C3orf20: variants seen among roughly 807,000 people sequenced by gnomAD.
C3orf20 encodes the protein uncharacterized protein C3orf20.
A neutral mutation model predicts 88.3 loss-of-function variants in C3orf20; 76 were observed. The observed-to-expected ratio is 0.86, with a 90% CI of 0.72 to 1.04. C3orf20 has a LOEUF of 1.04. Among genes scored for constraint, C3orf20 ranks in the 50% least tolerant of loss-of-function variants. The pLI, the probability that C3orf20 is intolerant of heterozygous loss-of-function variation, is 0.00. For synonymous variants in C3orf20, 436 were observed against 437.4 expected (o/e 1.00, Z 0.04); for missense variants, 1,056 against 1,123.3 (o/e 0.94, Z 0.86).
chr3:14,703,839 A>G (rs1040071957), intron 6 of C3orf20, among the ~76,000 whole-genome samples: 3 of 152,154 alleles, frequency 2.0e-5, no homozygotes, highest in Non-Finnish European at 2.9e-5. Context: ...AGCCCTAGCA[A>G]TTTACTCAAC....
intron 10 of C3orf20, chr3:14,722,302 T>C (rs1397654594): frequency 5.5e-6 from 2 of 366,068 alleles, no homozygotes; most frequent in Admixed American, 3.4e-5. Context: ...TCAACACTCA[T>C]TGGCTCTATT....
chr3:14,719,279 G>T (rs1489241631), intron 9 of C3orf20, among the ~76,000 whole-genome samples: 1 of 152,166 alleles, frequency 6.6e-6, no homozygotes, highest in East Asian at 1.9e-4. Flanking sequence ...TGGTTGACTG[G>T]AGAGAGACCA....
intron 5 of C3orf20, among the ~76,000 whole-genome samples, chr3:14,697,406 G>A (rs893698599): frequency 2.6e-5 from 4 of 151,710 alleles, no homozygotes; most frequent in South Asian, 2.1e-4. Flanking sequence ...CAAAGAGGCC[G>A]TCTTCAAGCT....
rs2032150995 is a variant in C3orf20, at chr3:14,682,578, G to C, written c.-136G>C. 4 of 1,178,266 alleles carry C rather than the reference G, an allele frequency of 3.4e-6. No homozygotes were observed. Among genetic ancestry groups the C allele is most frequent in the Non-Finnish European group, 4.8e-6 (4 of 841,708 alleles). The allele number at this position is 1,178,266 out of a possible 1,614,324, so 73.0% of individuals were successfully genotyped here. A position where few individuals can be genotyped will look rare whatever the true frequency, so the allele number is the denominator to read the frequency against. Reference sequence around the variant, plus strand: ...CTCTTTTCTTGTCCTTTCCGGATAGGAACCACTGGCTCAATGACCTGTAAG... The same window carrying C: ...CTCTTTTCTTGTCCTTTCCGGATAGCAACCACTGGCTCAATGACCTGTAAG... On this transcript the variant is annotated splice_region_variant and 5_prime_UTR_variant, in exon 3 of 17. Coordinates refer to ENST00000253697, the MANE Select transcript of C3orf20 (RefSeq NM_032137.5).
At chr3:14,688,374 A>G (rs1457123985) in intron 4 of C3orf20, among the ~76,000 whole-genome samples, 1 of 151,670 alleles carries the variant, frequency 6.6e-6, no homozygotes, top group Non-Finnish European at 1.5e-5. Context: ...TACTAAAAAT[A>G]CAAAAAAATT....
chr3:14,688,261 G>A (rs1001090579), intron 4 of C3orf20, among the ~76,000 whole-genome samples: 1 of 152,074 alleles, frequency 6.6e-6, no homozygotes, highest in African/African-American at 2.4e-5. Flanking sequence ...CGAGTGTGGC[G>A]GCTCATGACT....
intron 4 of C3orf20, among the ~76,000 whole-genome samples, chr3:14,685,439 C>CCTCT (rs566893132): frequency 1.5e-5 from 2 of 137,110 alleles, no homozygotes; most frequent in African/African-American, 5.6e-5. Flanking sequence ...CACCCAGTGA[C>CCTCT]CTCTCTCTCT....
At chr3:14,705,465 A>G (rs1307647173) in intron 7 of C3orf20, among the ~76,000 whole-genome samples, 1 of 152,256 alleles carries the variant, frequency 6.6e-6, no homozygotes, top group East Asian at 1.9e-4. Flanking sequence ...CAATGAAGTC[A>G]GATAATGAAG....
chr3:14,763,875 G>A (rs1200913745), intron 15 of C3orf20, among the ~76,000 whole-genome samples: 1 of 152,014 alleles, frequency 6.6e-6, no homozygotes, highest in Non-Finnish European at 1.5e-5. Flanking sequence ...ATGAGCTCTG[G>A]TCTCCTAATG....
intron 12 of C3orf20, among the ~76,000 whole-genome samples, chr3:14,731,785 A>G (rs2034547347): frequency 6.6e-6 from 1 of 152,238 alleles, no homozygotes; most frequent in African/African-American, 2.4e-5. Context: ...GCCAAGGGCT[A>G]ATGTTGTAAA....
At chr3:14,676,389 C>T (rs931443840) in intron 1 of C3orf20, among the ~76,000 whole-genome samples, 1 of 152,132 alleles carries the variant, frequency 6.6e-6, no homozygotes, top group Admixed American at 6.5e-5. Flanking sequence ...CTGTGTCCAA[C>T]TTATGATCTG....
chr3:14,769,050 G>A (rs1344514821), intron 15 of C3orf20, among the ~76,000 whole-genome samples: 1 of 152,000 alleles, frequency 6.6e-6, no homozygotes, highest in Non-Finnish European at 1.5e-5. Context: ...TGGTTCATTC[G>A]TTCATTCACT....
chr3:14,717,186 C>G (rs2033974127), intron 9 of C3orf20, among the ~76,000 whole-genome samples: 3 of 152,176 alleles, frequency 2.0e-5, no homozygotes, highest in Non-Finnish European at 1.5e-5. Flanking sequence ...AAGTGGGTCA[C>G]CAGAACTGCC....
rs548440000 is a variant in C3orf20 at position 14,743,993 on chromosome 3, A to G, written c.1941-13378A>G. Among the ~76,000 whole-genome samples, 3 of 152,154 alleles carry G rather than the reference A, an allele frequency of 2.0e-5. No individual in the cohort carries two copies. In the South Asian group the frequency reaches 6.2e-4, roughly 32 times the overall value. On this transcript the variant is annotated intron_variant, in intron 12 of 16. Transcript: ENST00000253697. ...GATATGGCCTGGAGACATTTTTCCC[A>G]TGGTCTTGGAAATTAACATTAGGCT...
rs202048271 is a variant in C3orf20, at chr3:14,771,122, G to T, written c.2496-945G>T. Among the ~76,000 whole-genome samples the T allele has an allele frequency of 2.4e-4, 37 of 152,340 alleles. No homozygotes were observed. In the East Asian group the frequency reaches 5.6e-3, roughly 23 times the overall value. On this transcript the variant is annotated intron_variant, in intron 15 of 16. Coordinates refer to ENST00000253697, the MANE Select transcript of C3orf20 (RefSeq NM_032137.5). ...CATGGGATGGAACCCTCATGAATGG[G>T]ATTAGTGCCCTTATAAAAGGCTCCA...
intron 6 of C3orf20, among the ~76,000 whole-genome samples, chr3:14,703,977 C>G (rs2033390135): frequency 6.6e-6 from 1 of 152,140 alleles, no homozygotes; most frequent in Non-Finnish European, 1.5e-5. Context: ...CACTGTTTGC[C>G]TCCTCACTGT....
At chr3:14,677,683 T>A (rs572766175) in intron 1 of C3orf20, among the ~76,000 whole-genome samples, 1 of 152,136 alleles carries the variant, frequency 6.6e-6, no homozygotes. Flanking sequence ...GTATTTTTAC[T>A]GGAGACGGGG....
chr3:14,772,203 T>C lies in C3orf20; in HGVS notation c.2630+2T>C. 1 of 1,614,220 alleles carries C rather than the reference T, an allele frequency of 6.2e-7. No homozygotes were observed. The highest frequency in any genetic ancestry group is 8.5e-7 in the Non-Finnish European group (1 of 1,180,042). Reference sequence around the variant, plus strand: ...GGAGTTATCTCTGGAGGCTGAGAAGTAGGTGACCACATCAGCTGCCAGAAT... The same window carrying C: ...GGAGTTATCTCTGGAGGCTGAGAAGCAGGTGACCACATCAGCTGCCAGAAT... On this transcript the variant is annotated splice_donor_variant, in intron 16 of 16. Coordinates refer to ENST00000253697, the MANE Select transcript of C3orf20 (RefSeq NM_032137.5). LOFTEE classifies it high-confidence loss of function. This position sits in a 1 kb window ranked among gnomAD's most constrained non-coding sequence, Gnocchi z 4.2.
At chr3:14,747,361 C>T (rs1375493708) in intron 12 of C3orf20, among the ~76,000 whole-genome samples, 1 of 152,172 alleles carries the variant, frequency 6.6e-6, no homozygotes, top group Non-Finnish European at 1.5e-5. Context: ...ATGGCACCAG[C>T]TGGCTTTGTT....
Sources: gnomAD v4.1 joint callset for allele counts (sites outside exome capture counted in the v4.1 genomes callset) on GRCh38, gnomAD v4.1.1 for gene constraint, Gnocchi (gnomAD v3.1) non-coding constraint, MANE v1.5 for transcripts, NCBI Gene and HGNC (gene_info 2026-07-23, HGNC 2026-07-21) for gene names.